The following CLVS2 variants were observed in gnomAD, a reference collection of about 807,000 sequenced individuals.
The protein encoded by CLVS2 is clavesin-2.
Under a neutral mutation model 29.0 loss-of-function variants are expected in CLVS2, and 19 were observed. The observed-to-expected ratio is 0.66, with a 90% confidence interval of 0.46 to 0.96. The LOEUF (loss-of-function observed/expected upper bound fraction) is 0.96, where lower values mean the gene tolerates loss of function less well. CLVS2 is among the 40% of genes least tolerant of loss of function. The pLI is 0.00. For missense variants in CLVS2, 294 were observed against 404.1 expected, an observed-to-expected ratio of 0.73 and a Z score of 2.34; for synonymous variants, 161 against 151.3, an observed-to-expected ratio of 1.06 and a Z score of -0.47.
intron 2 of CLVS2, among the ~76,000 whole-genome samples, chr6:123,000,426 C>A (rs1004853902): frequency 6.6e-6 from 1 of 152,120 alleles, no homozygotes; most frequent in Non-Finnish European, 1.5e-5. Flanking sequence ...CCTCTATAAA[C>A]CTTTATCACT....
intron 2 of CLVS2, among the ~76,000 whole-genome samples, chr6:123,006,861 G>C (rs879746372): frequency 6.6e-6 from 1 of 152,132 alleles, no homozygotes; most frequent in Admixed American, 6.5e-5. Context: ...AACTCCAGGA[G>C]ATACTATATG....
intron 3 of CLVS2, among the ~76,000 whole-genome samples, chr6:123,034,392 A>G (rs1582655771): frequency 6.6e-6 from 1 of 152,198 alleles, no homozygotes; most frequent in East Asian, 1.9e-4. Context: ...AAAAACAAAT[A>G]AAAAAGCTAT....
chr6:123,057,164 T>G (rs1235465579), intron 5 of CLVS2, among the ~76,000 whole-genome samples: 1 of 151,984 alleles, frequency 6.6e-6, no homozygotes, highest in Non-Finnish European at 1.5e-5. Context: ...TTCACAGAAG[T>G]ATGGGCACCG....
At chr6:123,019,128 G>T (rs908737734) in intron 3 of CLVS2, among the ~76,000 whole-genome samples, 3 of 152,050 alleles carry the variant, frequency 2.0e-5, no homozygotes, top group African/African-American at 4.8e-5. Context: ...CTATGGGTCA[G>T]ATCTGGATGT....
chr6:123,014,598 A>T (rs959126016), intron 3 of CLVS2, among the ~76,000 whole-genome samples: 1 of 152,106 alleles, frequency 6.6e-6, no homozygotes, highest in Admixed American at 6.6e-5. Context: ...AAGTGTTATT[A>T]TATTAGAAAT....
intron 5 of CLVS2, among the ~76,000 whole-genome samples, chr6:123,059,368 A>C (rs1324936952): frequency 6.6e-6 from 1 of 152,146 alleles, no homozygotes; most frequent in African/African-American, 2.4e-5. Flanking sequence ...CCCACCCCAA[A>C]GTAAGCTTCA....
rs1449514942 is a variant in CLVS2, at chr6:122,997,326, A to G, written c.-452A>G. 1 of 174,412 alleles carries G rather than the reference A, an allele frequency of 5.7e-6. No homozygotes were observed. The highest frequency in any genetic ancestry group is 2.4e-5 in the African/African-American group (1 of 41,542). 10.8% of individuals were successfully genotyped at this position (174,412 alleles called of 1,614,324 possible). A position where few individuals can be genotyped will look rare whatever the true frequency, so the allele number is the denominator to read the frequency against. ...GTATCCTTCAGCAGGGACCGCAGGA[A>G]CATTCACAGTGCAGGGGCTGAGATG... On this transcript the variant is annotated 5_prime_UTR_variant, in exon 2 of 6. Coordinates refer to ENST00000275162, the MANE Select transcript of CLVS2 (RefSeq NM_001010852.4).
chr6:123,001,379 G>T (rs1299602734), intron 2 of CLVS2, among the ~76,000 whole-genome samples: 1 of 152,014 alleles, frequency 6.6e-6, no homozygotes, highest in African/African-American at 2.4e-5. Flanking sequence ...TATTTACAGT[G>T]TACCCACCTT....
At chr6:123,039,405 G>T (rs1438090564) in intron 3 of CLVS2, among the ~76,000 whole-genome samples, 3 of 152,170 alleles carry the variant, frequency 2.0e-5, no homozygotes, top group African/African-American at 7.2e-5. Context: ...ACAGTTATTT[G>T]TGACCCTTAC....
chr6:123,024,803 G>A (rs981383345), intron 3 of CLVS2, among the ~76,000 whole-genome samples: 2 of 152,114 alleles, frequency 1.3e-5, no homozygotes, highest in Non-Finnish European at 2.9e-5. Context: ...GTAATGAGTT[G>A]TCACACTTGG....
Position 123,071,538 on chromosome 6 carries a change from T to C in CLVS2, c.*7777T>C, listed in dbSNP as rs187614486. The stretch of plus-strand genomic sequence containing the variant: ...TGAGATTAAAACTACATGGAATTGT[T>C]CTTTATGGATTATCATGGTTAATTT... On this transcript the variant is annotated 3_prime_UTR_variant, in exon 6 of 6. Coordinates refer to ENST00000275162, the MANE Select transcript of CLVS2 (RefSeq NM_001010852.4). 6.6e-6 allele frequency: 1 copy of C among 152,140 alleles called. No homozygotes were observed. Among genetic ancestry groups the C allele is most frequent in the East Asian group, 1.9e-4 (1 of 5,178 alleles). The allele number at this position is 152,140 out of a possible 1,614,324, so 9.4% of individuals were successfully genotyped here.
At chr6:123,035,347 C>A (rs189800647) in intron 3 of CLVS2, among the ~76,000 whole-genome samples, 80 of 151,058 alleles carry the variant, frequency 5.3e-4, no homozygotes, top group African/African-American at 1.9e-3. Flanking sequence ...AACATGAACA[C>A]ATATAAGACA....
In CLVS2 at chr6:123,071,714, A is replaced by G. The variant is rs1562179584; in HGVS notation, c.*7953A>G. ...ATTGTGTTCGTATCTTCTCTGCAAC[A>G]ATTATAAAATGAATGAGGAAGTATT... is the stretch of plus-strand genomic sequence containing the variant. On this transcript the variant is annotated 3_prime_UTR_variant, in exon 6 of 6. Transcript: ENST00000275162. The G allele has an allele frequency of 1.3e-5, 2 of 152,042 alleles. No homozygotes were observed. Among genetic ancestry groups the G allele is most frequent in the Non-Finnish European group, 2.9e-5 (2 of 67,934 alleles). The allele number at this position is 152,042 out of a possible 1,614,324, so 9.4% of individuals were successfully genotyped here. A position where few individuals can be genotyped will look rare whatever the true frequency, so the allele number is the denominator to read the frequency against.
At chr6:123,029,054 T>C (rs916515450) in intron 3 of CLVS2, among the ~76,000 whole-genome samples, 1 of 152,156 alleles carries the variant, frequency 6.6e-6, no homozygotes, top group Non-Finnish European at 1.5e-5. Flanking sequence ...CTCTTCCACA[T>C]GAGGAAATCA....
intron 2 of CLVS2, among the ~76,000 whole-genome samples, chr6:122,999,604 T>A (rs1774560435): frequency 6.6e-6 from 1 of 152,216 alleles, no homozygotes; most frequent in African/African-American, 2.4e-5. Context: ...AAATGTTTTC[T>A]TTTCATCCTA....
rs555769776 is a variant in CLVS2 at position 122,999,929 on chromosome 6, T to C, written c.389+1763T>C. Among the ~76,000 whole-genome samples the C allele has an allele frequency of 4.6e-5, 7 of 152,318 alleles. No individual in the cohort carries two copies. The South Asian group carries it at 1.2e-3, about 27-fold the overall frequency. ...AAGTCACTTATAGTTTTCATATATA[T>C]GAGAAAGTGATAATTCTGAATTTAT... is the stretch of plus-strand genomic sequence containing the variant. On this transcript the variant is annotated intron_variant, in intron 2 of 5. Coordinates refer to ENST00000275162, the MANE Select transcript of CLVS2 (RefSeq NM_001010852.4).
intron 4 of CLVS2, among the ~76,000 whole-genome samples, chr6:123,052,525 A>G (rs1772626753): frequency 6.6e-6 from 1 of 152,112 alleles, no homozygotes; most frequent in Admixed American, 6.6e-5. Context: ...TGTAGGTGGA[A>G]GAGTGGATAT....
chr6:123,018,681 T>TC (rs1310360610), intron 3 of CLVS2, among the ~76,000 whole-genome samples: 47 of 151,386 alleles, frequency 3.1e-4, no homozygotes, highest in Middle Eastern at 3.4e-3. Flanking sequence ...TTTTTTTTTT[T>TC]TTTTAAAAAA....
chr6:123,029,989 A>C (rs540383763), intron 3 of CLVS2, among the ~76,000 whole-genome samples: 87 of 152,292 alleles, frequency 5.7e-4, no homozygotes, highest in African/African-American at 2.0e-3. Flanking sequence ...CATCACCTTC[A>C]CTTAGTGAAA....
Sources: gnomAD v4.1 joint callset for allele counts (sites outside exome capture counted in the v4.1 genomes callset) on GRCh38, gnomAD v4.1.1 for gene constraint, MANE v1.5 for transcripts, NCBI Gene and HGNC (gene_info 2026-07-23, HGNC 2026-07-21) for gene names.